GNPAT: variants seen among roughly 807,000 people sequenced by gnomAD.
The protein encoded by GNPAT is glyceronephosphate O-acyltransferase, also known as dihydroxyacetone phosphate acyltransferase.
A neutral mutation model predicts 78.4 loss-of-function variants in GNPAT; 30 were observed. The ratio of observed to expected loss-of-function variants is 0.38; its 90% confidence interval spans 0.29 to 0.52. The LOEUF is 0.52. Among genes scored for constraint, GNPAT ranks in the 20% least tolerant of loss-of-function variants. The pLI, the probability that GNPAT is intolerant of heterozygous loss-of-function variation, is 0.84. For synonymous variants in GNPAT, 271 were observed against 281.1 expected, an observed-to-expected ratio of 0.96 and a Z score of 0.36; for missense variants, 714 against 812.2, an observed-to-expected ratio of 0.88 and a Z score of 1.47.
chr1:231,257,210 G>T (rs1424830523), intron 2 of GNPAT, among the ~76,000 whole-genome samples: 3 of 152,190 alleles, frequency 2.0e-5, no homozygotes, highest in African/African-American at 7.2e-5. Flanking sequence ...CAAGGGTATT[G>T]TCTTTCCTAC....
chr1:231,244,109 A>T (rs886078787), intron 1 of GNPAT, among the ~76,000 whole-genome samples: 27 of 152,032 alleles, frequency 1.8e-4, no homozygotes, highest in Non-Finnish European at 1.2e-4. Context: ...GGGTTTCACC[A>T]TGTCGGCCAG....
chr1:231,260,433 C>G (rs1194642815), intron 2 of GNPAT, 74 bp from the exon 3 acceptor site: 2 of 998,386 alleles, frequency 2.0e-6, no homozygotes, highest in Admixed American at 1.7e-5. Context: ...ACTAGTCATA[C>G]TGGTTTGAGT....
intron 2 of GNPAT, among the ~76,000 whole-genome samples, chr1:231,256,262 A>G (rs1240179328): frequency 2.0e-5 from 3 of 151,906 alleles, no homozygotes; most frequent in African/African-American, 7.3e-5. Flanking sequence ...AAGCACCTCA[A>G]ATTCAAGATG....
intron 9 of GNPAT, 93 bp from the exon 10 acceptor site, chr1:231,270,663 ATC>A (rs1685537388): frequency 2.6e-6 from 3 of 1,176,472 alleles, no homozygotes; most frequent in Non-Finnish European, 2.6e-6. Flanking sequence ...GAAAATGAGC[ATC>A]TGTCACGTTA....
chr1:231,267,045 T>C (rs1685408373), intron 8 of GNPAT, among the ~76,000 whole-genome samples: 1 of 152,208 alleles, frequency 6.6e-6, no homozygotes, highest in African/African-American at 2.4e-5. Flanking sequence ...CTTATGTTAG[T>C]TTTTTTCCTG....
At chr1:231,271,079 C>T in intron 10 of GNPAT, 79 bp downstream of exon 10, 2 of 1,487,686 alleles carry the variant, frequency 1.3e-6, no homozygotes, top group South Asian at 1.1e-5. Flanking sequence ...CATTTGAAGC[C>T]TTGTAATGTT....
At chr1:231,241,976 T>C (rs1165916451) in intron 1 of GNPAT, among the ~76,000 whole-genome samples, 4 of 152,262 alleles carry the variant, frequency 2.6e-5, no homozygotes, top group African/African-American at 9.6e-5. Flanking sequence ...ACATTTTTAT[T>C]GCCTGTTCTT....
At chr1:231,247,615 A>G (rs746266193) in intron 1 of GNPAT, among the ~76,000 whole-genome samples, 2 of 152,212 alleles carry the variant, frequency 1.3e-5, no homozygotes, top group South Asian at 2.1e-4. Context: ...GCCCCTCTCA[A>G]TAACTGGTAC....
rs747125861 is a variant in GNPAT, at chr1:231,260,649, C to T, written c.404C>T (p.Ser135Leu). Residue 135 changes from serine to leucine, a missense_variant, in exon 3 of 16, where the codon TCG becomes TTG. By Grantham distance (145) the Ser-to-Leu change is moderately radical. Transcript: ENST00000366647. ...AGCAAAGTATTTAAACAAATTTTCT[C>T]GAAGGTGTGTGTAAATGAAGAAGGT... ...TLSKVFKQIF[S>L]KVCVNEEGIQ... is the part of the protein sequence containing the mutation. The T allele has an allele frequency of 8.7e-6, 14 of 1,611,658 alleles. No individual in the cohort carries two copies. The highest frequency in any genetic ancestry group is 1.1e-5 in the South Asian group (1 of 91,018).
intron 1 of GNPAT, among the ~76,000 whole-genome samples, chr1:231,241,729 C>A (rs1436141265): frequency 1.3e-5 from 2 of 152,244 alleles, no homozygotes; most frequent in Non-Finnish European, 2.9e-5. Context: ...CTGGGGCCTT[C>A]AGAAAGCTCC....
At chr1:231,265,027 G>T (rs929818059) in intron 4 of GNPAT, among the ~76,000 whole-genome samples, 1 of 152,106 alleles carries the variant, frequency 6.6e-6, no homozygotes, top group African/African-American at 2.4e-5. Flanking sequence ...TATCATAGGG[G>T]TGTCTTACAT....
intron 9 of GNPAT, 51 bp from the exon 10 acceptor site, chr1:231,270,707 A>C (rs1402734442): frequency 6.3e-7 from 1 of 1,597,070 alleles, no homozygotes; most frequent in South Asian, 1.1e-5. Flanking sequence ...GCTAGGCCTA[A>C]GACTCCCTGC....
intron 1 of GNPAT, among the ~76,000 whole-genome samples, chr1:231,250,427 G>A (rs1478156849): frequency 6.6e-6 from 1 of 152,128 alleles, no homozygotes; most frequent in African/African-American, 2.4e-5. Flanking sequence ...ATAAGCTCTT[G>A]TCTCGAAAAG....
chr1:231,258,860 A>G (rs371039230), intron 2 of GNPAT, among the ~76,000 whole-genome samples: 1 of 151,432 alleles, frequency 6.6e-6, no homozygotes, highest in East Asian at 1.9e-4. Flanking sequence ...GATGGTCTCA[A>G]TCTCCTGACC....
chr1:231,252,447 C>A (rs115958542), intron 2 of GNPAT, among the ~76,000 whole-genome samples: 6 of 152,164 alleles, frequency 3.9e-5, no homozygotes, highest in Non-Finnish European at 8.8e-5. Context: ...GCTCCCTGAT[C>A]GCTAGCCCTC....
chr1:231,269,402 C>T (rs1685487720), intron 9 of GNPAT, among the ~76,000 whole-genome samples: 2 of 152,126 alleles, frequency 1.3e-5, no homozygotes, highest in African/African-American at 4.8e-5. Flanking sequence ...CTCCCCGCCT[C>T]CTCCCCACCA....
chr1:231,270,965 C>T lies in GNPAT; in HGVS notation c.1487C>T (p.Ala496Val). ...LNIFVRPSLV[A>V]VALQMTPGFR... The stretch of plus-strand genomic sequence containing the variant: ...ATTTTTGTGCGCCCATCCTTAGTAG[C>T]AGTAGCATTGCAGATGACACCAGGG... Residue 496 changes from alanine to valine, a missense_variant, in exon 10 of 16, where the codon GCA (alanine) becomes GTA (valine). Transcript: ENST00000366647. The T allele has an allele frequency of 6.2e-7, 1 of 1,613,976 alleles. No homozygotes were observed. Among genetic ancestry groups the T allele is most frequent in the South Asian group, 1.1e-5 (1 of 91,064 alleles).
chr1:231,241,300 C>A lies in GNPAT; in HGVS notation c.-79C>A. 7.0e-7 allele frequency: 1 copy of A among 1,423,218 alleles called. No homozygotes were observed. The highest frequency in any genetic ancestry group is 9.9e-7 in the Non-Finnish European group (1 of 1,006,014). The allele number at this position is 1,423,218 out of a possible 1,614,324, so 88.2% of individuals were successfully genotyped here. ...CTAGGCGAAGTAGGGCCGTCCTGAG[C>A]GAAAGAACCGCCCCCAGCAGGAGCA... On this transcript the variant is annotated 5_prime_UTR_variant, in exon 1 of 16. Transcript: ENST00000366647.
At chr1:231,244,908 A>G (rs1684708101) in intron 1 of GNPAT, among the ~76,000 whole-genome samples, 1 of 152,172 alleles carries the variant, frequency 6.6e-6, no homozygotes, top group Non-Finnish European at 1.5e-5. Context: ...ATGCCTTACT[A>G]CAGTGTCCCA....
Sources: gnomAD v4.1 joint callset for allele counts (sites outside exome capture counted in the v4.1 genomes callset) on GRCh38, gnomAD v4.1.1 for gene constraint, MANE v1.5 for transcripts, NCBI Gene and HGNC (gene_info 2026-07-23, HGNC 2026-07-21) for gene names.